Variants in CTNNA3 observed in about 807,000 individuals in gnomAD.
CTNNA3 encodes catenin alpha 3.
Under a neutral mutation model 95.7 loss-of-function variants are expected in CTNNA3, and 76 were observed. The ratio of observed to expected loss-of-function variants is 0.79; its 90% CI spans 0.66 to 0.96. The LOEUF is 0.96. Ranked by LOEUF, CTNNA3 falls within the 40% of genes least tolerant of loss-of-function variation. The probability of loss-of-function intolerance (pLI) is 0.00; values close to 1 mark genes in which losing one functional copy is unlikely to be tolerated. For missense variants in CTNNA3, 1,191 were observed against 1,089.8 expected, an observed-to-expected ratio of 1.09 and a Z score of -1.31; for synonymous variants, 431 against 374.4, an observed-to-expected ratio of 1.15 and a Z score of -1.74.
At chr10:66,001,694 T>C (rs180715714) in intron 15 of CTNNA3, among the ~76,000 whole-genome samples, 6 of 152,154 alleles carry the variant, frequency 3.9e-5, no homozygotes, top group Admixed American at 3.3e-4. Flanking sequence ...CTTCTCCTTT[T>C]ACAAATAATT....
intron 12 of CTNNA3, among the ~76,000 whole-genome samples, chr10:66,281,069 A>C (rs2132160602): frequency 6.6e-6 from 1 of 152,076 alleles, no homozygotes; most frequent in Admixed American, 6.6e-5. Flanking sequence ...TGCTAAACAG[A>C]AGAAAATTTA....
chr10:67,416,525 G>A (rs1182362399), intron 5 of CTNNA3, among the ~76,000 whole-genome samples: 3 of 149,420 alleles, frequency 2.0e-5, no homozygotes, highest in Non-Finnish European at 3.0e-5. Context: ...GGAGAATGGC[G>A]TGAACCCGGG....
chr10:67,058,825 T>G (rs926509535), intron 7 of CTNNA3, among the ~76,000 whole-genome samples: 3 of 152,168 alleles, frequency 2.0e-5, no homozygotes, highest in African/African-American at 7.2e-5. Context: ...TCTAGGCTGT[T>G]TTCTAATGAT....
intron 13 of CTNNA3, among the ~76,000 whole-genome samples, chr10:66,277,710 G>C (rs2091424210): frequency 6.6e-6 from 1 of 152,088 alleles, no homozygotes; most frequent in Admixed American, 6.6e-5. Flanking sequence ...TAGGGAACTG[G>C]GGGTATAGAG....
intron 9 of CTNNA3, among the ~76,000 whole-genome samples, chr10:66,756,827 T>A (rs1839379567): frequency 6.6e-6 from 1 of 152,276 alleles, no homozygotes; most frequent in South Asian, 2.1e-4. Context: ...GTCCTCTAGA[T>A]CTTATAGACA....
intron 5 of CTNNA3, among the ~76,000 whole-genome samples, chr10:67,354,880 A>G (rs1024798081): frequency 6.6e-6 from 1 of 151,956 alleles, no homozygotes; most frequent in Non-Finnish European, 1.5e-5. Context: ...AAACTTTGCT[A>G]ATAACAACCT....
At chr10:66,434,898 A>G (rs1238653456) in intron 11 of CTNNA3, among the ~76,000 whole-genome samples, 1 of 150,216 alleles carries the variant, frequency 6.7e-6, no homozygotes, top group Non-Finnish European at 1.5e-5. Context: ...ATCTATTGAG[A>G]TAATCATGTG....
At chr10:66,099,057 T>C (rs2133725679) in intron 14 of CTNNA3, among the ~76,000 whole-genome samples, 1 of 152,302 alleles carries the variant, frequency 6.6e-6, no homozygotes, top group East Asian at 1.9e-4. Context: ...AGTAAAATGA[T>C]AATAAATAAC....
At chr10:66,005,371 GT>G (rs139450791) in intron 15 of CTNNA3, among the ~76,000 whole-genome samples, 4,803 of 152,288 alleles carry the variant, frequency 0.032, 92 homozygotes, top group Non-Finnish European at 0.047. Context: ...AAAGCAGTCA[GT>G]TGGGATAAAT....
chr10:65,965,659 C>T (rs755012550), intron 17 of CTNNA3, among the ~76,000 whole-genome samples: 9 of 151,848 alleles, frequency 5.9e-5, no homozygotes, highest in East Asian at 3.9e-4. Flanking sequence ...GACACCAAAG[C>T]GCTGGGATTA....
At chr10:67,701,746 T>C (rs1355256397) in intron 1 of CTNNA3, among the ~76,000 whole-genome samples, 1 of 152,006 alleles carries the variant, frequency 6.6e-6, no homozygotes, top group African/African-American at 2.4e-5. Context: ...GCTAACATCA[T>C]AATGACAGGA....
intron 16 of CTNNA3, among the ~76,000 whole-genome samples, chr10:65,975,869 T>G (rs190850454): frequency 6.6e-6 from 1 of 152,160 alleles, no homozygotes; most frequent in Admixed American, 6.5e-5. Context: ...TTGCTTTCAC[T>G]GAGTAACTTT....
rs189169037 is a variant in CTNNA3 at position 66,289,990 on chromosome 10, G to C, written c.1733-9369C>G. Among the ~76,000 whole-genome samples the C allele has an allele frequency of 2.0e-3, 309 of 151,968 alleles. 2 individuals carry two copies. The highest frequency in any genetic ancestry group is 7.1e-3 in the African/African-American group (295 of 41,452). On this transcript the variant is annotated intron_variant, in intron 12 of 17. Transcript: ENST00000433211. Reference sequence around the variant, plus strand: ...TACATGCATTGTATTTATTTTCTCTGGCTATATCTGGTTACAAGCAGAAAT... The same window carrying C: ...TACATGCATTGTATTTATTTTCTCTCGCTATATCTGGTTACAAGCAGAAAT...
intron 12 of CTNNA3, among the ~76,000 whole-genome samples, chr10:66,319,174 T>C (rs12415478): frequency 0.11 from 16,217 of 152,058 alleles, 1,102 homozygotes; most frequent in East Asian, 0.23. Context: ...AATAATTACT[T>C]GATCATAATC....
chr10:66,536,307 C>T (rs1241779911), intron 10 of CTNNA3, among the ~76,000 whole-genome samples: 1 of 151,858 alleles, frequency 6.6e-6, no homozygotes, highest in Non-Finnish European at 1.5e-5. Context: ...CATGGCGAAA[C>T]TCCATCTATA....
At chr10:66,350,531 G>T (rs938900754) in intron 12 of CTNNA3, among the ~76,000 whole-genome samples, 1 of 149,468 alleles carries the variant, frequency 6.7e-6, no homozygotes, top group Non-Finnish European at 1.5e-5. Context: ...AAATCAAAAC[G>T]TAGCTCCAGA....
intron 11 of CTNNA3, among the ~76,000 whole-genome samples, chr10:66,435,292 T>G (rs1292714338): frequency 6.6e-6 from 1 of 152,160 alleles, no homozygotes; most frequent in African/African-American, 2.4e-5. Context: ...TTTTTTTGGT[T>G]GGTAAGCTAT....
chr10:65,952,567 G>A (rs2133212485), intron 17 of CTNNA3, among the ~76,000 whole-genome samples: 1 of 149,880 alleles, frequency 6.7e-6, no homozygotes, highest in African/African-American at 2.5e-5. Context: ...AATTTTCCCT[G>A]TTTTCTTTCT....
rs543644496 is a variant in CTNNA3 at position 66,896,019 on chromosome 10, C to T, written c.1048-120495G>A. ...GGCTAAGGCAGGAGAATTGCTTGAA[C>T]CCAGGAGGTGGAGGTTGTGGTGAGC... On this transcript the variant is annotated intron_variant, in intron 7 of 17. Coordinates refer to ENST00000433211, the MANE Select transcript of CTNNA3 (RefSeq NM_013266.4). Among the ~76,000 whole-genome samples the T allele has an allele frequency of 5.9e-5, 9 of 151,814 alleles. No individual in the cohort carries two copies. In the South Asian group the frequency reaches 1.5e-3, roughly 25 times the overall value.
Sources: gnomAD v4.1 joint callset for allele counts (sites outside exome capture counted in the v4.1 genomes callset) on GRCh38, gnomAD v4.1.1 for gene constraint, MANE v1.5 for transcripts, NCBI Gene and HGNC (gene_info 2026-07-23, HGNC 2026-07-21) for gene names.